ISM2: variants seen among roughly 807,000 people sequenced by gnomAD.
ISM2 encodes the protein isthmin 2.
ISM2 carries 50 observed loss-of-function variants against 58.0 expected under a neutral mutation model. That is an observed-to-expected ratio of 0.86 (90% CI 0.69 to 1.09). The LOEUF (loss-of-function observed/expected upper bound fraction) is 1.09. Ranked by LOEUF, ISM2 falls within the 50% of genes least tolerant of loss-of-function variation. The pLI is 0.00. For missense variants in ISM2, 723 were observed against 745.0 expected (o/e 0.97, Z 0.34); for synonymous variants, 303 against 312.4 (o/e 0.97, Z 0.32).
Position 77,475,945 on chromosome 14 carries a change from T to C in ISM2, c.1366A>G (p.Arg456Gly). The change falls in exon 7 of 7, where the codon AGG becomes GGG. Residue 456 changes from arginine to glycine, a missense_variant. By Grantham distance (125) the Arg-to-Gly change is moderately radical (BLOSUM62 -2). Coordinates refer to ENST00000342219, the MANE Select transcript of ISM2 (RefSeq NM_199296.3). The surrounding 1 kb of genome is among the most constrained non-coding windows in gnomAD (Gnocchi z 4.1). ...DEHQGRSFRWRDASGPRERLD... is the reference protein window; with the variant it reads ...DEHQGRSFRWGDASGPRERLD... ...CGCTCGCGAGGGCCACTGGCATCCC[T>C]CCACCGGAAGCTGCGGCCCTGGTGC... 2 of 1,599,166 alleles carry C rather than the reference T, an allele frequency of 1.3e-6. No individual in the cohort carries two copies. The highest frequency in any genetic ancestry group is 1.7e-6 in the Non-Finnish European group (2 of 1,179,590).
intron 3 of ISM2, among the ~76,000 whole-genome samples, chr14:77,483,547 CA>C (rs5809837): frequency 0.041 from 4,552 of 111,910 alleles, 209 homozygotes; most frequent in African/African-American, 0.13. Flanking sequence ...GACTCCATCT[CA>C]AAAAAAAAAA....
intron 4 of ISM2, among the ~76,000 whole-genome samples, chr14:77,480,011 C>T (rs2079122001): frequency 6.6e-6 from 1 of 152,090 alleles, no homozygotes; most frequent in African/African-American, 2.4e-5. Flanking sequence ...ATTTCCCTTG[C>T]ACTGGAGATA....
Position 77,475,504 on chromosome 14 carries a change from G to C in ISM2, c.*91C>G. 2 of 1,419,504 alleles carry C rather than the reference G, an allele frequency of 1.4e-6. No homozygotes were observed. The highest frequency in any genetic ancestry group is 1.4e-5 in the South Asian group (1 of 71,076). The allele number at this position is 1,419,504 out of a possible 1,614,324, so 87.9% of individuals were successfully genotyped here. On this transcript the variant is annotated 3_prime_UTR_variant, in exon 7 of 7. Coordinates refer to ENST00000342219, the MANE Select transcript of ISM2 (RefSeq NM_199296.3). The surrounding 1 kb of genome is among the most constrained non-coding windows in gnomAD (Gnocchi z 4.1). ...ACTGGGGGAGCCCTTTCCTCACCCTGTCTGGGCAGGGGCGGGTGAGGAAAG... is the reference window on the plus strand; with the variant it reads ...ACTGGGGGAGCCCTTTCCTCACCCTCTCTGGGCAGGGGCGGGTGAGGAAAG...
intron 1 of ISM2, 33 bp from the exon 2 acceptor site, chr14:77,484,952 G>C: frequency 6.6e-7 from 1 of 1,526,332 alleles, no homozygotes; most frequent in Non-Finnish European, 8.8e-7. Flanking sequence ...AAGGTAACAG[G>C]TCAGGGCTCA....
Position 77,475,445 on chromosome 14 carries a change from G to A in ISM2, c.*150C>T, listed in dbSNP as rs529244228. The stretch of plus-strand genomic sequence containing the variant: ...CCACTGAGATATCTGCTTCGGGGTC[G>A]CTGGCAGAGGGCACACAGCCTCGGA... On this transcript the variant is annotated 3_prime_UTR_variant, in exon 7 of 7. Coordinates refer to ENST00000342219, the MANE Select transcript of ISM2 (RefSeq NM_199296.3). This position sits in a 1 kb window ranked among gnomAD's most constrained non-coding sequence, Gnocchi z 4.1. 141 of 703,046 alleles carry A rather than the reference G, an allele frequency of 2.0e-4. No homozygotes were observed. The highest frequency in any genetic ancestry group is 1.5e-3 in the African/African-American group (83 of 56,132). 43.6% of individuals were successfully genotyped at this position (703,046 alleles called of 1,614,324 possible).
At chr14:77,491,992 C>A (rs1213351276) in intron 1 of ISM2, among the ~76,000 whole-genome samples, 1 of 150,640 alleles carries the variant, frequency 6.6e-6, no homozygotes, top group Non-Finnish European at 1.5e-5. Flanking sequence ...CACCGCCCAG[C>A]CCCCCACCTT....
At chr14:77,480,548 CTTTTTT>C (rs537228308) in intron 4 of ISM2, among the ~76,000 whole-genome samples, 4 of 84,818 alleles carry the variant, frequency 4.7e-5, no homozygotes. Flanking sequence ...AAATTTTTTC[CTTTTTT>C]TTTTTTTTTT....
At chr14:77,480,336 A>G (rs2079123880) in intron 4 of ISM2, among the ~76,000 whole-genome samples, 2 of 150,982 alleles carry the variant, frequency 1.3e-5, no homozygotes, top group Non-Finnish European at 2.9e-5. Context: ...CCTGCTACCC[A>G]TATTAGGGAC....
At chr14:77,491,443 C>T (rs1373733955) in intron 1 of ISM2, among the ~76,000 whole-genome samples, 1 of 152,226 alleles carries the variant, frequency 6.6e-6, no homozygotes, top group Non-Finnish European at 1.5e-5. Context: ...GGCTGGAGTG[C>T]AGTGGCATGA....
intron 1 of ISM2, among the ~76,000 whole-genome samples, chr14:77,494,360 G>C (rs1490470539): frequency 6.6e-6 from 1 of 151,902 alleles, no homozygotes; most frequent in Non-Finnish European, 1.5e-5. Context: ...TCTTCATTAA[G>C]GTCTTTGGGC....
At chr14:77,493,938 A>ATT in intron 1 of ISM2, among the ~76,000 whole-genome samples, 1 of 144,152 alleles carries the variant, frequency 6.9e-6, no homozygotes, top group Admixed American at 7.0e-5. Flanking sequence ...TGCCCAGCTA[A>ATT]TTTTTTTTTT....
chr14:77,476,727 A>G (rs148661853), intron 6 of ISM2, among the ~76,000 whole-genome samples: 2 of 152,308 alleles, frequency 1.3e-5, no homozygotes, highest in African/African-American at 4.8e-5. Flanking sequence ...CTGAGGCTAA[A>G]GTACATCTGA....
rs2079265230 is a variant in ISM2 at position 77,498,724 on chromosome 14, CCGCCTCCAGCAG to C, written c.58_69del (p.Leu20_Ala23del). 6.7e-7 allele frequency: 1 copy of C among 1,483,754 alleles called. No individual in the cohort carries two copies. The highest frequency in any genetic ancestry group is 1.5e-5 in the African/African-American group (1 of 68,214). 91.9% of individuals were successfully genotyped at this position (1,483,754 alleles called of 1,614,324 possible). ...GGCTTCTTCACGGGGAGCCCTAGCG[CCGCCTCCAGCAG>C]CGCCGCCAGCAGCAGCACGCAGAGG... On this transcript the variant is annotated inframe_deletion, in exon 1 of 7. Coordinates refer to ENST00000342219, the MANE Select transcript of ISM2 (RefSeq NM_199296.3).
At chr14:77,481,504 T>A (rs1594948088) in intron 4 of ISM2, among the ~76,000 whole-genome samples, 1 of 152,050 alleles carries the variant, frequency 6.6e-6, no homozygotes, top group African/African-American at 2.4e-5. Context: ...CTTAACTCAC[T>A]TAATACTCTC....
chr14:77,487,244 T>C (rs1263118069), intron 1 of ISM2, among the ~76,000 whole-genome samples: 4 of 27,602 alleles, frequency 1.4e-4, no homozygotes, highest in Non-Finnish European at 2.8e-4. Flanking sequence ...GAATCCATCT[T>C]AAATAAATAA....
At chr14:77,479,440 G>A in intron 4 of ISM2, among the ~76,000 whole-genome samples, 1 of 147,572 alleles carries the variant, frequency 6.8e-6, no homozygotes, top group South Asian at 2.2e-4. Context: ...CTGGAGTGCA[G>A]TGGCGTGATC....
intron 1 of ISM2, among the ~76,000 whole-genome samples, chr14:77,495,526 G>A (rs1594956252): frequency 6.6e-6 from 1 of 152,190 alleles, no homozygotes; most frequent in South Asian, 2.1e-4. Context: ...TATTATCACT[G>A]TCATCTCCAT....
At chr14:77,497,358 GCT>G (rs1402424785) in intron 1 of ISM2, among the ~76,000 whole-genome samples, 1 of 111,688 alleles carries the variant, frequency 9.0e-6, no homozygotes, top group Non-Finnish European at 1.8e-5. Flanking sequence ...ACACAATGAG[GCT>G]CTGTCTCAAA....
In ISM2 at chr14:77,474,779, G is replaced by A. The variant is rs970244354; in HGVS notation, c.*816C>T. On this transcript the variant is annotated 3_prime_UTR_variant, in exon 7 of 7. Transcript: ENST00000342219. ...ACGTGTGACACACCGTCCCGAGCTA[G>A]TGCTGAACCCACCCAAGCCTGGCTA... 1 of 152,218 alleles carries A rather than the reference G, an allele frequency of 6.6e-6. No homozygotes were observed. Among genetic ancestry groups the A allele is most frequent in the Non-Finnish European group, 1.5e-5 (1 of 68,072 alleles). 9.4% of individuals were successfully genotyped at this position (152,218 alleles called of 1,614,324 possible).
Sources: allele counts gnomAD v4.1 joint callset (sites outside exome capture counted in the v4.1 genomes callset), GRCh38; gene constraint gnomAD v4.1.1; non-coding constraint Gnocchi (gnomAD v3.1); transcripts MANE v1.5; gene names NCBI Gene and HGNC (gene_info 2026-07-23, HGNC 2026-07-21).